The following HIGD1C variants were observed in gnomAD, a reference collection of about 807,000 sequenced individuals.
The protein encoded by HIGD1C is HIG1 hypoxia inducible domain family member 1C.
In HIGD1C, 11 loss-of-function variants were observed where a neutral mutation model predicts 13.1. The ratio of observed to expected loss-of-function variants is 0.84; its 90% confidence interval spans 0.53 to 1.39. The LOEUF (loss-of-function observed/expected upper bound fraction) is 1.39. HIGD1C is among the 40% of genes most tolerant of loss of function. The probability of loss-of-function intolerance (pLI) is 0.00; values close to 1 mark genes in which losing one functional copy is unlikely to be tolerated. For missense variants in HIGD1C, 110 were observed against 112.0 expected (o/e 0.98, Z 0.08); for synonymous variants, 36 against 37.7 (o/e 0.95, Z 0.17).
chr12:50,932,094 G>A, the HIGD1C span: 45 of 152,202 alleles, frequency 3.0e-4, no homozygotes, highest in African/African-American at 1.1e-3. Flanking sequence ...ATTTGAGGTG[G>A]TTAAGGTTCT....
the HIGD1C span, among the ~76,000 whole-genome samples, chr12:50,944,652 T>A: frequency 6.6e-6 from 1 of 152,200 alleles, no homozygotes; most frequent in Non-Finnish European, 1.5e-5. Context: ...TTTGGGAAGC[T>A]GAGACAGGTG....
intron 1 of HIGD1C, 79 bp from the exon 4 acceptor site, chr12:50,960,889 A>C: frequency 7.9e-7 from 1 of 1,258,622 alleles, no homozygotes. Flanking sequence ...TATGTTGCCC[A>C]GGCTGTTTTC....
At chr12:50,945,863 G>A in the HIGD1C span, among the ~76,000 whole-genome samples, 1 of 152,062 alleles carries the variant, frequency 6.6e-6, no homozygotes, top group Non-Finnish European at 1.5e-5. Context: ...AAACAGCATG[G>A]TACTGGTACC....
intron 2 of HIGD1C, among the ~76,000 whole-genome samples, chr12:50,966,641 T>C (rs979592299): frequency 5.9e-5 from 9 of 152,212 alleles, no homozygotes; most frequent in East Asian, 1.9e-4. Flanking sequence ...TTTCATTTAG[T>C]GGAGATTACC....
intron 2 of HIGD1C, among the ~76,000 whole-genome samples, chr12:50,964,515 T>C (rs1939468156): frequency 6.6e-6 from 1 of 152,178 alleles, no homozygotes; most frequent in Non-Finnish European, 1.5e-5. Flanking sequence ...ATTAATATAA[T>C]GAACTAAAGG....
chr12:50,961,106 A>G lies in HIGD1C; in HGVS notation c.229+4A>G. The stretch of plus-strand genomic sequence containing the variant: ...GTTGTTGGAGCTGTGACTCTAGGTA[A>G]CCCGCTTAATTTGTATCTTATGTTC... On this transcript the variant is annotated splice_donor_region_variant and intron_variant, in intron 2 of 2. Coordinates refer to ENST00000398455, the Ensembl canonical transcript of HIGD1C. 6.2e-7 allele frequency: 1 copy of G among 1,613,614 alleles called. No homozygotes were observed. Among genetic ancestry groups the G allele is most frequent in the Non-Finnish European group, 8.5e-7 (1 of 1,179,696 alleles).
upstream of HIGD1C, chr12:50,949,106 C>G (rs1417734183): frequency 1.3e-5 from 2 of 151,604 alleles, no homozygotes; most frequent in African/African-American, 4.9e-5. Flanking sequence ...AGAAAAGATC[C>G]CTAGAATGTG....
the HIGD1C span, among the ~76,000 whole-genome samples, chr12:50,941,637 A>G: frequency 6.6e-6 from 1 of 152,206 alleles, no homozygotes; most frequent in African/African-American, 2.4e-5. Context: ...TCAGGAGGAA[A>G]CAGATAAAAC....
intron 2 of HIGD1C, among the ~76,000 whole-genome samples, chr12:50,964,763 C>T (rs1430112146): frequency 6.6e-6 from 1 of 152,214 alleles, no homozygotes; most frequent in Non-Finnish European, 1.5e-5. Context: ...GCAGCAAAAC[C>T]ACATCTGGAT....
intron 2 of HIGD1C, among the ~76,000 whole-genome samples, chr12:50,963,369 C>CAAAAAAA (rs35764288): frequency 9.7e-5 from 7 of 72,386 alleles, no homozygotes; most frequent in African/African-American, 1.5e-4. Flanking sequence ...GACTCCATCT[C>CAAAAAAA]AAAAAAAAAA....
upstream of HIGD1C, chr12:50,953,887 C>T (rs1283679488): frequency 1.6e-5 from 10 of 617,566 alleles, no homozygotes; most frequent in Non-Finnish European, 2.8e-5. Context: ...GCTTATCAAA[C>T]AAATGAAAAC....
chr12:50,965,272 C>T (rs968130014), intron 2 of HIGD1C, among the ~76,000 whole-genome samples: 4 of 151,038 alleles, frequency 2.6e-5, no homozygotes, highest in African/African-American at 9.7e-5. Context: ...CACCACCATG[C>T]CTGGCTAATT....
chr12:50,953,527 C>A (rs984767776), upstream of HIGD1C, among the ~76,000 whole-genome samples: 2 of 152,224 alleles, frequency 1.3e-5, no homozygotes, highest in Non-Finnish European at 2.9e-5. Context: ...TAATGCCCTG[C>A]ACATTCTGCA....
chr12:50,957,974 G>GTA (rs1168046159), intron 1 of HIGD1C, among the ~76,000 whole-genome samples: 2 of 150,390 alleles, frequency 1.3e-5, no homozygotes, highest in South Asian at 4.2e-4. Context: ...GTGTGTGTGT[G>GTA]TGTGTGTGTG....
At chr12:50,955,508 AAAATAGTTTACTT>A (rs1159242195) in intron 1 of HIGD1C, among the ~76,000 whole-genome samples, 9 of 152,198 alleles carry the variant, frequency 5.9e-5, no homozygotes, top group Admixed American at 5.2e-4. Flanking sequence ...GGAAACTATT[AAAATAGTTTACTT>A]AAATCAGACT....
At chr12:50,943,579 G>A in the HIGD1C span, among the ~76,000 whole-genome samples, 4 of 151,910 alleles carry the variant, frequency 2.6e-5, no homozygotes, top group Non-Finnish European at 5.9e-5. Flanking sequence ...GTGAGGTGGC[G>A]GGCACCTGTA....
At chr12:50,968,782 T>A (rs919702497) in intron 2 of HIGD1C, among the ~76,000 whole-genome samples, 3 of 151,884 alleles carry the variant, frequency 2.0e-5, no homozygotes, top group Admixed American at 1.3e-4. Flanking sequence ...CCTCAAGTGA[T>A]CCACCCGCCT....
chr12:50,948,264 TTGAA>T, the HIGD1C span, among the ~76,000 whole-genome samples: 2 of 152,336 alleles, frequency 1.3e-5, no homozygotes, highest in East Asian at 3.9e-4. Flanking sequence ...AAATAAGTTA[TTGAA>T]TATGCAAAAT....
downstream of HIGD1C, among the ~76,000 whole-genome samples, chr12:50,972,469 G>A (rs527819850): frequency 1.1e-4 from 16 of 152,316 alleles, no homozygotes; most frequent in South Asian, 1.0e-3. Context: ...GGTCACAATC[G>A]AATCACTCGG....
Sources: allele counts gnomAD v4.1 joint callset (sites outside exome capture counted in the v4.1 genomes callset), GRCh38; gene constraint gnomAD v4.1.1; transcripts MANE v1.5; gene names NCBI Gene and HGNC (gene_info 2026-07-23, HGNC 2026-07-21).